The following NPAS3 variants were observed in gnomAD, a reference collection of about 807,000 sequenced individuals.
NPAS3 encodes the protein neuronal PAS domain protein 3, also known as neuronal PAS domain-containing protein 3.
A neutral mutation model predicts 73.1 loss-of-function variants in NPAS3; 14 were observed. The ratio of observed to expected loss-of-function variants is 0.19; its 90% CI spans 0.13 to 0.30. The LOEUF (loss-of-function observed/expected upper bound fraction) is 0.30, where lower values mean the gene tolerates loss of function less well. Among genes scored for constraint, NPAS3 ranks in the 10% least tolerant of loss-of-function variants. NPAS3 has a pLI of 1.00. For missense variants in NPAS3, 1,096 were observed against 1,250.0 expected, an observed-to-expected ratio of 0.88 and a Z score of 1.86; for synonymous variants, 620 against 541.5, an observed-to-expected ratio of 1.14 and a Z score of -2.01.
chr14:33,125,696 A>G (rs1001925304), intron 2 of NPAS3, among the ~76,000 whole-genome samples: 1 of 152,132 alleles, frequency 6.6e-6, no homozygotes, highest in Non-Finnish European at 1.5e-5. Context: ...GGCCCTGGAC[A>G]TGGTCAAACC....
chr14:33,315,635 G>C (rs901230683), intron 3 of NPAS3, among the ~76,000 whole-genome samples: 14 of 151,892 alleles, frequency 9.2e-5, no homozygotes, highest in Admixed American at 6.6e-4. Context: ...GGGAGAGAGA[G>C]AGGCTTTAGT....
chr14:33,660,480 C>A (rs1270453763), intron 5 of NPAS3, among the ~76,000 whole-genome samples: 1 of 152,180 alleles, frequency 6.6e-6, no homozygotes, highest in Non-Finnish European at 1.5e-5. Flanking sequence ...GTTTTTCTAT[C>A]CCTCTTGGTA....
chr14:33,727,234 A>T (rs1252689846), intron 6 of NPAS3, among the ~76,000 whole-genome samples: 1 of 152,160 alleles, frequency 6.6e-6, no homozygotes, highest in Non-Finnish European at 1.5e-5. Context: ...AGATTCATGT[A>T]TATAAAATAG....
chr14:33,621,095 C>G (rs1442576552), intron 5 of NPAS3, among the ~76,000 whole-genome samples: 5 of 151,956 alleles, frequency 3.3e-5, no homozygotes. Context: ...GTTGCCCTGA[C>G]AAACTTTCTA....
chr14:33,221,384 TGAA>T (rs2047421746), intron 3 of NPAS3, among the ~76,000 whole-genome samples: 1 of 152,222 alleles, frequency 6.6e-6, no homozygotes, highest in Middle Eastern at 3.2e-3. Context: ...AGATAGAAGA[TGAA>T]GAACATGAAT....
chr14:33,639,324 TAAG>T (rs1350672398), intron 5 of NPAS3, among the ~76,000 whole-genome samples: 1 of 152,058 alleles, frequency 6.6e-6, no homozygotes, highest in Non-Finnish European at 1.5e-5. Context: ...AAATTTAAAA[TAAG>T]AAGAATTGTG....
At chr14:33,143,405 C>T (rs375322815) in intron 2 of NPAS3, among the ~76,000 whole-genome samples, 4 of 151,368 alleles carry the variant, frequency 2.6e-5, no homozygotes, top group East Asian at 4.0e-4. Flanking sequence ...GCAGGAGAAT[C>T]GCTTGGTCCC....
intron 4 of NPAS3, among the ~76,000 whole-genome samples, chr14:33,460,740 T>C (rs557556394): frequency 2.9e-4 from 44 of 152,004 alleles, no homozygotes; most frequent in African/African-American, 9.6e-4. Context: ...TTTTTTTACC[T>C]ACTGGATTTG....
intron 3 of NPAS3, among the ~76,000 whole-genome samples, chr14:33,311,240 G>GA (rs2042990160): frequency 6.6e-6 from 1 of 152,020 alleles, no homozygotes; most frequent in Non-Finnish European, 1.5e-5. Context: ...AATAATAATA[G>GA]AAAAATCAGA....
chr14:33,157,362 C>G (rs746941002), intron 2 of NPAS3, among the ~76,000 whole-genome samples: 5 of 152,166 alleles, frequency 3.3e-5, no homozygotes, highest in Admixed American at 6.5e-5. Context: ...TTTTAGGTTT[C>G]CAACAGGCCA....
At chr14:33,036,120 C>A (rs959721515) in intron 1 of NPAS3, among the ~76,000 whole-genome samples, 5 of 152,254 alleles carry the variant, frequency 3.3e-5, no homozygotes, top group Non-Finnish European at 4.4e-5. Context: ...TATTCCAAGT[C>A]TCCTTCTAAG....
At chr14:33,384,134 G>A (rs115900332) in intron 4 of NPAS3, among the ~76,000 whole-genome samples, 20 of 149,870 alleles carry the variant, frequency 1.3e-4, no homozygotes, top group African/African-American at 5.0e-4. Context: ...TAGAAATGAT[G>A]TCTTGCTGAA....
At chr14:33,539,293 T>C (rs2054399249) in intron 4 of NPAS3, among the ~76,000 whole-genome samples, 1 of 152,068 alleles carries the variant, frequency 6.6e-6, no homozygotes, top group African/African-American at 2.4e-5. Context: ...GGCAGGATTT[T>C]TTCAATCACC....
intron 4 of NPAS3, among the ~76,000 whole-genome samples, chr14:33,487,102 A>G (rs2051644277): frequency 6.6e-6 from 1 of 152,194 alleles, no homozygotes; most frequent in Admixed American, 6.5e-5. Context: ...AGAAGCTTCC[A>G]TTTCTTTATA....
chr14:33,213,868 T>C (rs1315533411), intron 2 of NPAS3: 5 of 152,184 alleles, frequency 3.3e-5, no homozygotes, highest in Non-Finnish European at 5.9e-5. Flanking sequence ...CAGTAAGATA[T>C]TTCAGGTGTG....
intron 1 of NPAS3, among the ~76,000 whole-genome samples, chr14:32,947,376 C>T (rs1367610133): frequency 6.6e-6 from 1 of 151,898 alleles, no homozygotes; most frequent in Non-Finnish European, 1.5e-5. Context: ...TCTCTCTGGT[C>T]CTAGAAAATG....
chr14:33,322,571 T>G (rs942580327), intron 3 of NPAS3, among the ~76,000 whole-genome samples: 7 of 152,070 alleles, frequency 4.6e-5, no homozygotes, highest in Non-Finnish European at 2.9e-5. Flanking sequence ...TTTAAAGAAG[T>G]CTTTTTGTCA....
chr14:32,934,904 C>A (rs2035648205), upstream of NPAS3: 2 of 972,428 alleles, frequency 2.1e-6, no homozygotes, highest in South Asian at 4.6e-5. This position sits in a 1 kb window ranked among gnomAD's most constrained non-coding sequence, Gnocchi z 4.1. Flanking sequence ...GCCGGCGGGG[C>A]GGCCGCGGGG....
At chr14:32,977,696 C>T (rs994140023) in intron 1 of NPAS3, among the ~76,000 whole-genome samples, 3 of 108,540 alleles carry the variant, frequency 2.8e-5, no homozygotes, top group Non-Finnish European at 4.9e-5. Context: ...TGCACCACTG[C>T]GCTCCAGCCT....
Sources: gnomAD v4.1 joint callset for allele counts (sites outside exome capture counted in the v4.1 genomes callset) on GRCh38, gnomAD v4.1.1 for gene constraint, Gnocchi (gnomAD v3.1) non-coding constraint, MANE v1.5 for transcripts, NCBI Gene and HGNC (gene_info 2026-07-23, HGNC 2026-07-21) for gene names.